Variants in RBFOX1 observed in about 807,000 individuals in gnomAD.
The protein encoded by RBFOX1 is RNA binding fox-1 homolog 1.
RBFOX1 carries 8 observed loss-of-function variants against 57.7 expected under a neutral mutation model. The observed-to-expected ratio is 0.14, with a 90% CI of 0.08 to 0.25. The LOEUF (loss-of-function observed/expected upper bound fraction) is 0.25. Among genes scored for constraint, RBFOX1 ranks in the 10% least tolerant of loss-of-function variants. RBFOX1 has a pLI of 1.00. For synonymous variants in RBFOX1, 326 were observed against 222.4 expected (o/e 1.47, Z -4.15); for missense variants, 611 against 548.5 (o/e 1.11, Z -1.14).
At chr16:6,985,186 T>C (rs2089976150) in intron 3 of RBFOX1, among the ~76,000 whole-genome samples, 1 of 152,200 alleles carries the variant, frequency 6.6e-6, no homozygotes, top group African/African-American at 2.4e-5. Flanking sequence ...TAAAATGTGA[T>C]CACATTCTAT....
At chr16:7,094,422 A>G (rs2061356132) in intron 4 of RBFOX1, among the ~76,000 whole-genome samples, 1 of 152,132 alleles carries the variant, frequency 6.6e-6, no homozygotes, top group African/African-American at 2.4e-5. Flanking sequence ...AAGGAAAGGT[A>G]GGAAGAGAAA....
intron 4 of RBFOX1, among the ~76,000 whole-genome samples, chr16:7,147,637 A>G (rs910481562): frequency 3.3e-5 from 5 of 152,182 alleles, no homozygotes; most frequent in African/African-American, 9.7e-5. Context: ...CGTTGCTGCA[A>G]TGAACATGAT....
chr16:5,726,761 G>A (rs1253548786), intron 3 of RBFOX1, among the ~76,000 whole-genome samples: 1 of 152,210 alleles, frequency 6.6e-6, no homozygotes, highest in African/African-American at 2.4e-5. Context: ...GATTAGTACA[G>A]ATATTTTAAT....
intron 2 of RBFOX1, among the ~76,000 whole-genome samples, chr16:6,560,592 G>A (rs564031586): frequency 6.6e-6 from 1 of 152,228 alleles, no homozygotes; most frequent in African/African-American, 2.4e-5. Flanking sequence ...GTGAGGAGGA[G>A]GTGCAAACCA....
At chr16:6,818,217 C>A (rs559670940) in intron 3 of RBFOX1, among the ~76,000 whole-genome samples, 1 of 152,014 alleles carries the variant, frequency 6.6e-6, no homozygotes, top group Non-Finnish European at 1.5e-5. Context: ...GTTTGGCCAA[C>A]GAAATGTTAG....
At chr16:7,372,130 C>A (rs1357441933) in intron 4 of RBFOX1, among the ~76,000 whole-genome samples, 6 of 152,144 alleles carry the variant, frequency 3.9e-5, no homozygotes, top group Non-Finnish European at 5.9e-5. Flanking sequence ...CTCATAACTT[C>A]CATTTAAAGA....
chr16:6,727,331 T>C (rs1171077146), intron 3 of RBFOX1, among the ~76,000 whole-genome samples: 1 of 152,204 alleles, frequency 6.6e-6, no homozygotes, highest in Non-Finnish European at 1.5e-5. Flanking sequence ...CAATTGCTTT[T>C]GCACCAACCT....
intron 4 of RBFOX1, among the ~76,000 whole-genome samples, chr16:7,171,540 A>G (rs2080704545): frequency 6.6e-6 from 1 of 152,174 alleles, no homozygotes; most frequent in South Asian, 2.1e-4. Flanking sequence ...ACAAGGGGTA[A>G]AACTGTGGCC....
chr16:7,500,884 C>A (rs1267416722), intron 4 of RBFOX1, among the ~76,000 whole-genome samples: 2 of 152,192 alleles, frequency 1.3e-5, no homozygotes, highest in South Asian at 4.1e-4. Flanking sequence ...ATGATGGGGA[C>A]AGTTACCTCC....
At chr16:7,081,492 C>G (rs566369674) in intron 4 of RBFOX1, among the ~76,000 whole-genome samples, 2 of 152,222 alleles carry the variant, frequency 1.3e-5, no homozygotes, top group South Asian at 2.1e-4. Context: ...ATTCACCTCC[C>G]AAGGCTAGAA....
chr16:7,020,049 C>A (rs1003036766), intron 3 of RBFOX1, among the ~76,000 whole-genome samples: 2 of 151,112 alleles, frequency 1.3e-5, no homozygotes, highest in South Asian at 2.1e-4. Context: ...TCTAGATCAG[C>A]TTAGGTGAAC....
chr16:6,785,024 T>A (rs751301832), intron 3 of RBFOX1, among the ~76,000 whole-genome samples: 30 of 152,150 alleles, frequency 2.0e-4, no homozygotes, highest in Admixed American at 7.9e-4. Flanking sequence ...GTTGCACTTC[T>A]GAGTGAAAAA....
intron 3 of RBFOX1, among the ~76,000 whole-genome samples, chr16:6,806,970 A>G (rs1279146539): frequency 6.6e-6 from 1 of 150,696 alleles, no homozygotes; most frequent in Non-Finnish European, 1.5e-5. Context: ...AGTAGCTGAG[A>G]TTGCAGGCAC....
chr16:7,520,843 T>C (rs909014025), intron 5 of RBFOX1, among the ~76,000 whole-genome samples: 1 of 152,226 alleles, frequency 6.6e-6, no homozygotes, highest in Non-Finnish European at 1.5e-5. Context: ...CAATCAGACA[T>C]TATTTATTAA....
intron 3 of RBFOX1, among the ~76,000 whole-genome samples, chr16:6,689,954 G>A (rs1033691659): frequency 1.2e-4 from 19 of 152,292 alleles, no homozygotes; most frequent in African/African-American, 4.1e-4. Context: ...AGAGTTGACT[G>A]TTCCCCAGAG....
At chr16:6,461,547 A>T (rs768774707) in intron 2 of RBFOX1, among the ~76,000 whole-genome samples, 1 of 152,206 alleles carries the variant, frequency 6.6e-6, no homozygotes, top group Non-Finnish European at 1.5e-5. Context: ...AACTAATCCA[A>T]CCATAACACT....
chr16:6,407,811 A>G (rs888539172), intron 2 of RBFOX1, among the ~76,000 whole-genome samples: 1 of 152,086 alleles, frequency 6.6e-6, no homozygotes, highest in Non-Finnish European at 1.5e-5. Context: ...TAAATCACCA[A>G]TCCTCACGCA....
At chr16:7,690,789 C>G (rs1181904620) in intron 14 of RBFOX1, among the ~76,000 whole-genome samples, 1 of 152,024 alleles carries the variant, frequency 6.6e-6, no homozygotes, top group Non-Finnish European at 1.5e-5. Context: ...CATTTATGGG[C>G]CCTCTAAATC....
intron 3 of RBFOX1, among the ~76,000 whole-genome samples, chr16:6,658,288 G>A (rs887485208): frequency 3.3e-5 from 5 of 150,198 alleles, no homozygotes; most frequent in Admixed American, 6.6e-5. Context: ...AATCTGGATT[G>A]CAGTGGTGTG....
Sources: gnomAD v4.1 joint callset for allele counts (sites outside exome capture counted in the v4.1 genomes callset) on GRCh38, gnomAD v4.1.1 for gene constraint, MANE v1.5 for transcripts, NCBI Gene and HGNC (gene_info 2026-07-23, HGNC 2026-07-21) for gene names.